The following POU2F1 variants were observed in gnomAD, a reference collection of about 807,000 sequenced individuals.
POU2F1 encodes POU class 2 homeobox 1.
Under a neutral mutation model 84.9 loss-of-function variants are expected in POU2F1, and 16 were observed. The observed-to-expected ratio is 0.19, with a 90% CI of 0.13 to 0.29. The LOEUF is 0.29. POU2F1 is among the 10% of genes least tolerant of loss of function. The pLI is 1.00. For missense variants in POU2F1, 738 were observed against 942.6 expected, an observed-to-expected ratio of 0.78 and a Z score of 2.84; for synonymous variants, 368 against 368.3, an observed-to-expected ratio of 1.00 and a Z score of 0.01.
Position 167,412,014 on chromosome 1 carries a change from A to G in POU2F1, c.1611A>G (p.Pro537=), listed in dbSNP as rs2229284. 0.022 allele frequency: 36,042 copies of G among 1,614,100 alleles called. 500 individuals carry two copies. Among genetic ancestry groups the G allele is most frequent in the Non-Finnish European group, 0.025 (29,346 of 1,179,990 alleles). The change falls in exon 14 of 16, where the codon CCA becomes CCG. Residue 537 remains proline, a synonymous_variant. Transcript: ENST00000367866. ...NTATVISTAP[P]ASSAVTSPSL... is the part of the protein sequence containing the mutation. ...CAACCGTGATTTCCACAGCGCCTCC[A>G]GCTTCCTCAGCAGTCACGTCCCCCT... is the stretch of plus-strand genomic sequence containing the variant.
intron 1 of POU2F1, among the ~76,000 whole-genome samples, chr1:167,242,954 C>G (rs1261944078): frequency 6.6e-6 from 1 of 151,996 alleles, no homozygotes. Flanking sequence ...CCACCTGCCT[C>G]TCTCCCCCGC....
chr1:167,374,068 C>T, intron 5 of POU2F1, 40 bp from the exon 6 acceptor site: 1 of 1,604,570 alleles, frequency 6.2e-7, no homozygotes, highest in African/African-American at 1.3e-5. Flanking sequence ...GAGACTTTCT[C>T]CTTCAACACT....
chr1:167,389,503 G>C (rs1648231195), intron 8 of POU2F1, 85 bp from the exon 9 acceptor site: 1 of 1,437,746 alleles, frequency 7.0e-7, no homozygotes, highest in South Asian at 1.2e-5. Context: ...CATAAATGTG[G>C]CTCTTTCCTT....
At chr1:167,339,312 T>G (rs1236871493) in intron 2 of POU2F1, among the ~76,000 whole-genome samples, 2 of 152,190 alleles carry the variant, frequency 1.3e-5, no homozygotes, top group Non-Finnish European at 2.9e-5. Context: ...AGGTAACAAA[T>G]TCACAGCTTC....
intron 1 of POU2F1, among the ~76,000 whole-genome samples, chr1:167,290,547 A>C (rs1157416007): frequency 6.6e-6 from 1 of 152,246 alleles, no homozygotes. Context: ...TCATCCATCC[A>C]GCTGAAGCGT....
chr1:167,242,256 G>A (rs1649965647), intron 1 of POU2F1, among the ~76,000 whole-genome samples: 1 of 152,070 alleles, frequency 6.6e-6, no homozygotes, highest in Non-Finnish European at 1.5e-5. Context: ...TGAGTTGTTC[G>A]GCCTGTTTAG....
intron 13 of POU2F1, among the ~76,000 whole-genome samples, chr1:167,408,359 A>G (rs74865710): frequency 0.025 from 3,751 of 152,266 alleles, 146 homozygotes; most frequent in African/African-American, 0.083. Flanking sequence ...CTACCCAGCA[A>G]TTTCCCCAAG....
chr1:167,307,500 G>T (rs1571268740), intron 1 of POU2F1, among the ~76,000 whole-genome samples: 1 of 149,080 alleles, frequency 6.7e-6, no homozygotes. Flanking sequence ...ATAGTGGTTT[G>T]TTCATCTGTT....
chr1:167,349,865 T>TTG (rs1340310169), intron 2 of POU2F1, among the ~76,000 whole-genome samples: 2 of 152,232 alleles, frequency 1.3e-5, no homozygotes, highest in Non-Finnish European at 2.9e-5. Context: ...AGTCATAGTC[T>TTG]TGTGTATATG....
At position 167,268,597 on chromosome 1, in the gene POU2F1, G is replaced by A. The variant is rs114448776; in HGVS notation, c.61+47639G>A. ...GTTGTCCACATGCCCTGCACATAAG[G>A]TAAATACAGCAGATCCTCATTACCT... On this transcript the variant is annotated intron_variant, in intron 1 of 15. Transcript: ENST00000367866. Among the ~76,000 whole-genome samples, 592 of 152,260 alleles carry A rather than the reference G, an allele frequency of 3.9e-3. 3 individuals are homozygous for A. The highest frequency in any genetic ancestry group is 0.013 in the African/African-American group (545 of 41,538).
chr1:167,357,346 C>A, intron 2 of POU2F1: 1 of 35,544 alleles, frequency 2.8e-5, no homozygotes, highest in African/African-American at 1.3e-4. Flanking sequence ...GATTGCCCCC[C>A]CTCCCCCACG....
intron 1 of POU2F1, among the ~76,000 whole-genome samples, chr1:167,232,906 CTT>C (rs1649170096): frequency 6.6e-6 from 1 of 151,286 alleles, no homozygotes; most frequent in Non-Finnish European, 1.5e-5. Flanking sequence ...GACTTTTTCT[CTT>C]ATAAATTTAG....
At chr1:167,265,737 T>C (rs1207873716) in intron 1 of POU2F1, among the ~76,000 whole-genome samples, 1 of 151,990 alleles carries the variant, frequency 6.6e-6, no homozygotes, top group Non-Finnish European at 1.5e-5. Flanking sequence ...CATTTTTGAT[T>C]GTCACAACCT....
intron 1 of POU2F1, among the ~76,000 whole-genome samples, chr1:167,255,694 G>A (rs1571175282): frequency 3.3e-5 from 5 of 152,236 alleles, no homozygotes; most frequent in Middle Eastern, 6.8e-3. Flanking sequence ...AGTCGCAGTT[G>A]GAGAGGAAGA....
chr1:167,311,418 TA>T (rs769868065), intron 1 of POU2F1, among the ~76,000 whole-genome samples: 6 of 152,100 alleles, frequency 3.9e-5, no homozygotes, highest in Non-Finnish European at 7.4e-5. Context: ...AAGACATTGT[TA>T]GGTGAAGGAA....
rs71572456 is a variant in POU2F1 at position 167,392,354 on chromosome 1, C to CA, written c.987+2608dup. 8.0e-3 allele frequency among the ~76,000 whole-genome samples: 708 copies of CA among 88,394 alleles called. 4 individuals are homozygous for CA. Among genetic ancestry groups the CA allele is most frequent in the Middle Eastern group, 0.062 (10 of 160 alleles). The allele number at this position is 88,394 out of a possible 152,430, so 58.0% of individuals were successfully genotyped here. A position where few individuals can be genotyped will look rare whatever the true frequency, so the allele number is the denominator to read the frequency against. ...GGGGTGACAGAGCCAGACTCTGTCT[C>CA]AAAAAAAAAAAAAAAGAAAGAAAGA... On this transcript the variant is annotated intron_variant, in intron 9 of 15. Coordinates refer to ENST00000367866, the MANE Select transcript of POU2F1 (RefSeq NM_002697.4).
intron 1 of POU2F1, among the ~76,000 whole-genome samples, chr1:167,258,238 T>G (rs1462097165): frequency 1.3e-5 from 2 of 152,210 alleles, no homozygotes; most frequent in Non-Finnish European, 1.5e-5. Context: ...GGTAACATTT[T>G]GCTTCATTTT....
intron 1 of POU2F1, chr1:167,329,220 A>G: frequency 1.3e-6 from 2 of 1,539,858 alleles, no homozygotes; most frequent in Admixed American, 2.0e-5. Context: ...CCCCACCCCA[A>G]ACTGCTACCT....
chr1:167,297,463 T>C (rs77201947), intron 1 of POU2F1, among the ~76,000 whole-genome samples: 5 of 152,220 alleles, frequency 3.3e-5, no homozygotes, highest in African/African-American at 9.6e-5. Flanking sequence ...CAGGGAAATA[T>C]GCTTCCTTGT....
Sources: allele counts gnomAD v4.1 joint callset (sites outside exome capture counted in the v4.1 genomes callset), GRCh38; gene constraint gnomAD v4.1.1; transcripts MANE v1.5; gene names NCBI Gene and HGNC (gene_info 2026-07-23, HGNC 2026-07-21).